The following GRM8 variants were observed in gnomAD, a reference collection of about 807,000 sequenced individuals.
GRM8 encodes the protein glutamate metabotropic receptor 8, also known as metabotropic glutamate receptor 8.
Under a neutral mutation model 87.2 loss-of-function variants are expected in GRM8, and 47 were observed. The ratio of observed to expected loss-of-function variants is 0.54; its 90% CI spans 0.43 to 0.69. The LOEUF is 0.69. Ranked by LOEUF, GRM8 falls within the 30% of genes least tolerant of loss-of-function variation. The pLI is 0.00. For synonymous variants in GRM8, 396 were observed against 404.5 expected (o/e 0.98, Z 0.25); for missense variants, 1,019 against 1,139.2 (o/e 0.89, Z 1.52).
At chr7:127,003,161 G>GT (rs1347674477) in intron 3 of GRM8, among the ~76,000 whole-genome samples, 9 of 151,710 alleles carry the variant, frequency 5.9e-5, no homozygotes, top group African/African-American at 1.9e-4. Flanking sequence ...GTATCATAAT[G>GT]TACTTTCAAC....
chr7:126,881,623 AC>A (rs1800029191), intron 6 of GRM8, among the ~76,000 whole-genome samples: 1 of 152,226 alleles, frequency 6.6e-6, no homozygotes, highest in South Asian at 2.1e-4. Context: ...AGTCTGAGCT[AC>A]TCTGTAGCCT....
At chr7:126,644,444 T>C (rs1361983) in intron 7 of GRM8, among the ~76,000 whole-genome samples, 125,575 of 152,066 alleles carry the variant, frequency 0.83, 52,260 homozygotes, top group East Asian at 0.94. Flanking sequence ...TTTCCATGGA[T>C]AGAAATGATA....
chr7:126,547,296 T>C (rs1345466083), intron 8 of GRM8, among the ~76,000 whole-genome samples: 1 of 152,138 alleles, frequency 6.6e-6, no homozygotes, highest in Non-Finnish European at 1.5e-5. Context: ...AGAAAAGTAA[T>C]TTGGGGAAAA....
intron 3 of GRM8, among the ~76,000 whole-genome samples, chr7:127,086,621 AC>A (rs1460888018): frequency 6.6e-6 from 1 of 152,030 alleles, no homozygotes; most frequent in East Asian, 1.9e-4. Context: ...GGAACCAGTC[AC>A]CTCAACCTCT....
rs993519496 is a variant in GRM8, at chr7:126,685,126, C to T, written c.1358-75628G>A. On this transcript the variant is annotated intron_variant, in intron 7 of 10. Transcript: ENST00000339582. This position sits in a 1 kb window ranked among gnomAD's most constrained non-coding sequence, Gnocchi z 4.2. ...CAGTACCCACTCCAGGCCCCGGCCC[C>T]GCTTGCCACTCTTGACAGCCACTGC... Among the ~76,000 whole-genome samples the T allele has an allele frequency of 6.6e-5, 10 of 152,204 alleles. No individual in the cohort carries two copies. The highest frequency in any genetic ancestry group is 1.9e-4 in the East Asian group (1 of 5,188).
chr7:127,024,570 G>T (rs1050533029), intron 3 of GRM8, among the ~76,000 whole-genome samples: 2 of 152,026 alleles, frequency 1.3e-5, no homozygotes, highest in African/African-American at 4.8e-5. Flanking sequence ...CACAAGAGAC[G>T]ACATCTCTTT....
intron 3 of GRM8, among the ~76,000 whole-genome samples, chr7:127,018,575 AT>A (rs1475828094): frequency 6.6e-6 from 1 of 151,924 alleles, no homozygotes; most frequent in African/African-American, 2.4e-5. Context: ...AGAACCCCAC[AT>A]TTTTTAAGGT....
intron 6 of GRM8, among the ~76,000 whole-genome samples, chr7:126,826,918 C>T (rs937356277): frequency 6.6e-6 from 1 of 152,180 alleles, no homozygotes; most frequent in Non-Finnish European, 1.5e-5. Context: ...GATCCAGTTT[C>T]AGCTTTCTCC....
chr7:126,488,735 C>T (rs1351032177), intron 9 of GRM8, among the ~76,000 whole-genome samples: 3 of 151,856 alleles, frequency 2.0e-5, no homozygotes, highest in African/African-American at 7.2e-5. Context: ...GAATTATCTT[C>T]CAAACTAGAT....
intron 3 of GRM8, among the ~76,000 whole-genome samples, chr7:127,064,840 T>C (rs1282231765): frequency 1.3e-5 from 2 of 152,176 alleles, no homozygotes; most frequent in African/African-American, 4.8e-5. Context: ...CCGGTCAGAA[T>C]GGCTATTAAT....
At chr7:127,128,133 T>A (rs1341916578) in intron 2 of GRM8, among the ~76,000 whole-genome samples, 3 of 152,132 alleles carry the variant, frequency 2.0e-5, no homozygotes, top group Non-Finnish European at 4.4e-5. Flanking sequence ...GTCTTAAAAA[T>A]AATGTGTAGC....
intron 7 of GRM8, among the ~76,000 whole-genome samples, chr7:126,666,779 AAT>A (rs1327250214): frequency 6.6e-6 from 1 of 152,208 alleles, no homozygotes; most frequent in Non-Finnish European, 1.5e-5. Context: ...GAAAACCAAA[AAT>A]ATGTTTAATT....
chr7:126,568,494 GCTC>G (rs1794431104), intron 8 of GRM8, among the ~76,000 whole-genome samples: 4 of 152,020 alleles, frequency 2.6e-5, no homozygotes, highest in Non-Finnish European at 1.5e-5. Context: ...AAACTGCAGA[GCTC>G]CTCCCTCTCT....
chr7:126,767,861 TC>T (rs1182833164), intron 7 of GRM8, among the ~76,000 whole-genome samples: 1 of 152,072 alleles, frequency 6.6e-6, no homozygotes, highest in Non-Finnish European at 1.5e-5. Flanking sequence ...GCAAAATCAA[TC>T]TCCAAAGAGC....
intron 2 of GRM8, among the ~76,000 whole-genome samples, chr7:127,185,744 G>A (rs890196984): frequency 2.0e-5 from 3 of 152,274 alleles, no homozygotes; most frequent in African/African-American, 7.2e-5. Flanking sequence ...AGAAGGAAGA[G>A]ATCCAGGATC....
At chr7:127,151,450 G>A (rs892373510) in intron 2 of GRM8, among the ~76,000 whole-genome samples, 1 of 151,974 alleles carries the variant, frequency 6.6e-6, no homozygotes, top group Non-Finnish European at 1.5e-5. Flanking sequence ...AGATCTGTTT[G>A]TGTCATAAAA....
intron 9 of GRM8, among the ~76,000 whole-genome samples, chr7:126,453,841 T>G (rs1802920571): frequency 6.6e-6 from 1 of 151,780 alleles, no homozygotes. Context: ...ATAAGTAAAC[T>G]GATGTTGCAT....
intron 8 of GRM8, among the ~76,000 whole-genome samples, chr7:126,570,273 T>C (rs191614896): frequency 6.6e-6 from 1 of 152,348 alleles, no homozygotes; most frequent in East Asian, 1.9e-4. Context: ...TCAGTTCACC[T>C]GTACTTCCCC....
intron 9 of GRM8, among the ~76,000 whole-genome samples, chr7:126,496,970 A>AAT (rs1554364327): frequency 7.0e-6 from 1 of 143,010 alleles, no homozygotes; most frequent in African/African-American, 2.6e-5. Context: ...TGAGTTTTGG[A>AAT]TTTTTTTTTT....
Sources: gnomAD v4.1 joint callset for allele counts (sites outside exome capture counted in the v4.1 genomes callset) on GRCh38, gnomAD v4.1.1 for gene constraint, Gnocchi (gnomAD v3.1) non-coding constraint, MANE v1.5 for transcripts, NCBI Gene and HGNC (gene_info 2026-07-23, HGNC 2026-07-21) for gene names.